The following KHDRBS2 variants were observed in gnomAD, a reference collection of about 807,000 sequenced individuals.
KHDRBS2 encodes KH domain-containing, RNA-binding, signal transduction-associated protein 2.
KHDRBS2 carries 26 observed loss-of-function variants against 44.3 expected under a neutral mutation model. That is an observed-to-expected ratio of 0.59 (90% confidence interval 0.43 to 0.81). The LOEUF is 0.81. KHDRBS2 is among the 40% of genes least tolerant of loss of function. The probability of loss-of-function intolerance (pLI) is 0.00; values close to 1 mark genes in which losing one functional copy is unlikely to be tolerated. For missense variants in KHDRBS2, 476 were observed against 433.1 expected (o/e 1.10, Z -0.88); for synonymous variants, 194 against 151.1 (o/e 1.28, Z -2.08).
At chr6:62,134,940 A>C (rs1194806501) in intron 2 of KHDRBS2, among the ~76,000 whole-genome samples, 1 of 152,134 alleles carries the variant, frequency 6.6e-6, no homozygotes, top group African/African-American at 2.4e-5. Context: ...GGCAGAAGGG[A>C]CTTGCCTTGT....
intron 2 of KHDRBS2, among the ~76,000 whole-genome samples, chr6:62,099,314 T>A (rs185747900): frequency 1.8e-4 from 27 of 152,290 alleles, no homozygotes; most frequent in Admixed American, 8.5e-4. Flanking sequence ...AATTACTATG[T>A]TCTCAGAGCC....
chr6:61,548,570 A>G, the KHDRBS2 span, among the ~76,000 whole-genome samples: 6 of 152,146 alleles, frequency 3.9e-5, no homozygotes, highest in Non-Finnish European at 8.8e-5. Flanking sequence ...TATCCAGAAG[A>G]TAGTCAAATT....
At chr6:61,612,556 A>C in the KHDRBS2 span, among the ~76,000 whole-genome samples, 2,436 of 152,326 alleles carry the variant, frequency 0.016, 67 homozygotes, top group African/African-American at 0.057. Flanking sequence ...AATGCTTCTA[A>C]ATGCTTACCA....
chr6:61,733,535 G>A (rs1309191611), intron 6 of KHDRBS2, among the ~76,000 whole-genome samples: 1 of 151,676 alleles, frequency 6.6e-6, no homozygotes, highest in Non-Finnish European at 1.5e-5. Flanking sequence ...GGCAGAGGTT[G>A]CAATGAGCTG....
intron 1 of KHDRBS2, among the ~76,000 whole-genome samples, chr6:62,229,942 C>G (rs565196633): frequency 1.4e-4 from 21 of 152,306 alleles, no homozygotes; most frequent in African/African-American, 4.8e-4. Flanking sequence ...AATGGGCCAC[C>G]TTGGCCCCAG....
intron 6 of KHDRBS2, among the ~76,000 whole-genome samples, chr6:61,813,663 A>G (rs1206163109): frequency 6.6e-6 from 1 of 152,170 alleles, no homozygotes; most frequent in Non-Finnish European, 1.5e-5. Flanking sequence ...ACAGTCTTGC[A>G]TAGTGTAGTT....
chr6:61,934,000 A>G (rs1234507917), intron 4 of KHDRBS2, among the ~76,000 whole-genome samples: 1 of 152,168 alleles, frequency 6.6e-6, no homozygotes, highest in Non-Finnish European at 1.5e-5. Flanking sequence ...ACACATGGAC[A>G]TTCTAACTGG....
chr6:61,886,894 A>G (rs1386071719), intron 6 of KHDRBS2, among the ~76,000 whole-genome samples: 1 of 152,132 alleles, frequency 6.6e-6, no homozygotes, highest in Non-Finnish European at 1.5e-5. Context: ...TTCTGGAGGT[A>G]TTGAGTTCTC....
In KHDRBS2 at chr6:62,237,779, G is replaced by A. The variant is rs1036934291; in HGVS notation, c.91+48079C>T. On this transcript the variant is annotated intron_variant, in intron 1 of 8. Transcript: ENST00000281156. ...ATTGAGGCCCGGTGCAGTGGCTCAC[G>A]CCTCTAATCCCAGCACTTTGGGAGG... Among the ~76,000 whole-genome samples the A allele has an allele frequency of 2.2e-4, 33 of 152,212 alleles. No homozygotes were observed. The East Asian group carries it at 4.6e-3, about 21-fold the overall frequency.
chr6:62,018,273 T>C (rs1378182725), intron 3 of KHDRBS2, among the ~76,000 whole-genome samples: 3 of 151,042 alleles, frequency 2.0e-5, no homozygotes, highest in East Asian at 3.9e-4. Context: ...ACTATATATG[T>C]GTATATTCAC....
At chr6:61,735,805 G>GA (rs151135036) in intron 6 of KHDRBS2, among the ~76,000 whole-genome samples, 1 of 151,638 alleles carries the variant, frequency 6.6e-6, no homozygotes, top group Non-Finnish European at 1.5e-5. Flanking sequence ...AGTCTAGGCT[G>GA]AAAAAAAATG....
At position 61,839,922 on chromosome 6, in the gene KHDRBS2, T is replaced by G. The variant is rs554565421; in HGVS notation, c.810+54713A>C. 1.6e-4 allele frequency among the ~76,000 whole-genome samples: 24 copies of G among 152,208 alleles called. No homozygotes were observed. The South Asian group carries it at 3.1e-3, about 20-fold the overall frequency. ...ATGGCTTCTAGTTTTGTGATTCCCTTCCCCATTAGAATGAATATTTATGTT... is the reference window on the plus strand; with the variant it reads ...ATGGCTTCTAGTTTTGTGATTCCCTGCCCCATTAGAATGAATATTTATGTT... On this transcript the variant is annotated intron_variant, in intron 6 of 8. Coordinates refer to ENST00000281156, the MANE Select transcript of KHDRBS2 (RefSeq NM_152688.4).
intron 6 of KHDRBS2, among the ~76,000 whole-genome samples, chr6:61,825,451 G>A (rs572406594): frequency 1.3e-5 from 2 of 152,160 alleles, no homozygotes; most frequent in East Asian, 1.9e-4. Context: ...CAAATAGCAC[G>A]CCAACCTATG....
At chr6:61,914,191 G>T (rs1357339752) in intron 4 of KHDRBS2, among the ~76,000 whole-genome samples, 1 of 151,954 alleles carries the variant, frequency 6.6e-6, no homozygotes, top group Non-Finnish European at 1.5e-5. Context: ...TATAAGTGGT[G>T]GAGAGAAAGA....
chr6:62,199,291 T>A (rs184194107), intron 1 of KHDRBS2, among the ~76,000 whole-genome samples: 1 of 152,076 alleles, frequency 6.6e-6, no homozygotes, highest in African/African-American at 2.4e-5. Context: ...AAAAAGGAAG[T>A]CAAATTGTCC....
At chr6:61,742,631 T>G (rs1370434858) in intron 6 of KHDRBS2, among the ~76,000 whole-genome samples, 2 of 152,064 alleles carry the variant, frequency 1.3e-5, no homozygotes, top group East Asian at 3.9e-4. Flanking sequence ...ACTAGATTGC[T>G]GGCTTGGGAT....
At chr6:61,833,436 TG>T (rs1188770138) in intron 6 of KHDRBS2, among the ~76,000 whole-genome samples, 1 of 152,224 alleles carries the variant, frequency 6.6e-6, no homozygotes, top group Non-Finnish European at 1.5e-5. Flanking sequence ...TCACACATTC[TG>T]GAAGAGTTTC....
intron 6 of KHDRBS2, among the ~76,000 whole-genome samples, chr6:61,762,374 A>G (rs78476612): frequency 0.015 from 2,251 of 152,304 alleles, 15 homozygotes; most frequent in Middle Eastern, 0.024. Context: ...AGCCTTCGAA[A>G]CACATGTTAA....
At chr6:61,741,693 A>T (rs1370185418) in intron 6 of KHDRBS2, among the ~76,000 whole-genome samples, 4 of 151,924 alleles carry the variant, frequency 2.6e-5, no homozygotes, top group Admixed American at 1.3e-4. Context: ...CAATTTCCTA[A>T]GTTCAACCTA....
Sources: allele counts gnomAD v4.1 joint callset (sites outside exome capture counted in the v4.1 genomes callset), GRCh38; gene constraint gnomAD v4.1.1; transcripts MANE v1.5; gene names NCBI Gene and HGNC (gene_info 2026-07-23, HGNC 2026-07-21).